Variants in TEX2 observed in about 807,000 individuals in gnomAD.
TEX2 encodes the protein testis-expressed protein 2.
A neutral mutation model predicts 106.9 loss-of-function variants in TEX2; 53 were observed. The observed-to-expected ratio is 0.50, with a 90% CI of 0.40 to 0.62. The LOEUF (loss-of-function observed/expected upper bound fraction) is 0.62, where lower values mean the gene tolerates loss of function less well. Among genes scored for constraint, TEX2 ranks in the 20% least tolerant of loss-of-function variants. The pLI is 0.00. For missense variants in TEX2, 1,207 were observed against 1,379.0 expected (o/e 0.88, Z 1.98); for synonymous variants, 523 against 534.8 (o/e 0.98, Z 0.30).
chr17:64,147,667 C>T lies in TEX2; in HGVS notation c.*1302G>A, dbSNP rs2030112370. 6.6e-6 allele frequency: 1 copy of T among 152,480 alleles called. No homozygotes were observed. The highest frequency in any genetic ancestry group is 1.5e-5 in the Non-Finnish European group (1 of 68,002). 9.4% of individuals were successfully genotyped at this position (152,480 alleles called of 1,614,324 possible). A position where few individuals can be genotyped will look rare whatever the true frequency, so the allele number is the denominator to read the frequency against. On this transcript the variant is annotated 3_prime_UTR_variant, in exon 12 of 12. Coordinates refer to ENST00000584379, the MANE Select transcript of TEX2 (RefSeq NM_001288732.2). The stretch of plus-strand genomic sequence containing the variant: ...ACAACGAAAAATCAGAACAGTACAC[C>T]AACTGGAATGGTCAAACAATTTAAG...
intron 2 of TEX2, among the ~76,000 whole-genome samples, chr17:64,200,119 TAGG>T (rs2143947234): frequency 6.6e-6 from 1 of 152,344 alleles, no homozygotes; most frequent in South Asian, 2.1e-4. Context: ...GTATTCTATG[TAGG>T]AGGCTTTTGA....
At chr17:64,218,662 C>T (rs1456154848) in intron 1 of TEX2, among the ~76,000 whole-genome samples, 1 of 152,082 alleles carries the variant, frequency 6.6e-6, no homozygotes, top group African/African-American at 2.4e-5. Flanking sequence ...TGTGATCCAC[C>T]AATCTTGGCC....
intron 1 of TEX2, among the ~76,000 whole-genome samples, chr17:64,257,363 T>G (rs565689891): frequency 6.6e-6 from 1 of 152,376 alleles, no homozygotes; most frequent in African/African-American, 2.4e-5. Context: ...ACTTAAGTCT[T>G]CTGCAATAAG....
chr17:64,214,135 G>A lies in TEX2; in HGVS notation c.83C>T (p.Ser28Phe). ...PSAPKVHVQR[S>F]VSRDTIAIHF... ...AATGGCGATGGTATCTCGGGACACG[G>A]ACCTCTGCACGTGCACTTTAGGGGC... Residue 28 changes from serine to phenylalanine, a missense_variant, in exon 2 of 12, where the codon TCC (serine) becomes TTC (phenylalanine). Physicochemically the swap from Ser to Phe is radical, Grantham distance 155. This residue lies in a region of TEX2 where 1,067 missense variants were observed against 1,193.6 expected (regional missense o/e 0.89). Coordinates refer to ENST00000584379, the MANE Select transcript of TEX2 (RefSeq NM_001288732.2). The A allele has an allele frequency of 6.2e-7, 1 of 1,614,142 alleles. No homozygotes were observed. The highest frequency in any genetic ancestry group is 1.3e-5 in the African/African-American group (1 of 75,028).
intron 1 of TEX2, among the ~76,000 whole-genome samples, chr17:64,228,341 T>C (rs574975111): frequency 6.6e-6 from 1 of 152,282 alleles, no homozygotes; most frequent in Admixed American, 6.5e-5. Flanking sequence ...GTGCATTTCA[T>C]TTCTATTGTT....
chr17:64,226,653 T>C (rs1284668046), intron 1 of TEX2, among the ~76,000 whole-genome samples: 1 of 152,124 alleles, frequency 6.6e-6, no homozygotes, highest in Admixed American at 6.5e-5. Flanking sequence ...AACTCAACCT[T>C]ACTAAAAATA....
At chr17:64,155,117 A>C in intron 8 of TEX2, 150 bp from the exon 9 acceptor site, 1 of 979,444 alleles carries the variant, frequency 1.0e-6, no homozygotes, top group Non-Finnish European at 1.4e-6. Flanking sequence ...AACCCACCCA[A>C]ACCAGAAGAG....
At chr17:64,170,789 C>T (rs573089567) in intron 7 of TEX2, among the ~76,000 whole-genome samples, 2 of 152,110 alleles carry the variant, frequency 1.3e-5, no homozygotes, top group East Asian at 1.9e-4. Context: ...CCCGCCACCA[C>T]GCCCGACTAA....
At chr17:64,172,634 C>T (rs992408086) in intron 6 of TEX2, among the ~76,000 whole-genome samples, 2 of 152,180 alleles carry the variant, frequency 1.3e-5, no homozygotes, top group African/African-American at 4.8e-5. Flanking sequence ...CTGCCCTGTC[C>T]AAGTTCTCCT....
At position 64,147,526 on chromosome 17, in the gene TEX2, T is replaced by TTGTAC. The variant is rs1438905520; in HGVS notation, c.*1442_*1443insGTACA. The TTGTAC allele has an allele frequency of 1.3e-5, 2 of 152,510 alleles. No homozygotes were observed. The highest frequency in any genetic ancestry group is 4.8e-5 in the African/African-American group (2 of 41,572). 9.4% of individuals were successfully genotyped at this position (152,510 alleles called of 1,614,324 possible). A position where few individuals can be genotyped will look rare whatever the true frequency, so the allele number is the denominator to read the frequency against. The stretch of plus-strand genomic sequence containing the variant: ...TTTGATTAAGTGCAACATGGTACAG[T>TTGTAC]CATGTGTAATCTCTTTACACGATAG... On this transcript the variant is annotated 3_prime_UTR_variant, in exon 12 of 12. Coordinates refer to ENST00000584379, the MANE Select transcript of TEX2 (RefSeq NM_001288732.2).
chr17:64,239,985 T>C (rs1406187176), intron 1 of TEX2, among the ~76,000 whole-genome samples: 1 of 151,044 alleles, frequency 6.6e-6, no homozygotes, highest in Non-Finnish European at 1.5e-5. Context: ...CTTGAATTGT[T>C]AAATAAGGAC....
At chr17:64,230,096 C>A (rs1014864593) in intron 1 of TEX2, among the ~76,000 whole-genome samples, 4 of 151,926 alleles carry the variant, frequency 2.6e-5, no homozygotes, top group Non-Finnish European at 4.4e-5. Flanking sequence ...TTTTTTTAAA[C>A]CAGGTTTAAG....
At chr17:64,208,080 T>C (rs8078899) in intron 2 of TEX2, among the ~76,000 whole-genome samples, 1 of 152,052 alleles carries the variant, frequency 6.6e-6, no homozygotes, top group African/African-American at 2.4e-5. Flanking sequence ...AGGGCAGCAC[T>C]GCGTGAGCAC....
At chr17:64,219,759 T>G (rs2033304809) in intron 1 of TEX2, among the ~76,000 whole-genome samples, 1 of 152,110 alleles carries the variant, frequency 6.6e-6, no homozygotes, top group Admixed American at 6.5e-5. Flanking sequence ...CAAATTGACT[T>G]AAGTCACTAA....
chr17:64,251,353 C>T (rs2034087439), intron 1 of TEX2, among the ~76,000 whole-genome samples: 1 of 152,178 alleles, frequency 6.6e-6, no homozygotes, highest in Admixed American at 6.5e-5. Flanking sequence ...TGTGATTTTC[C>T]TGTAGGCTTT....
At chr17:64,249,266 A>G (rs1598227852) in intron 1 of TEX2, among the ~76,000 whole-genome samples, 1 of 152,164 alleles carries the variant, frequency 6.6e-6, no homozygotes, top group East Asian at 1.9e-4. Flanking sequence ...TAACCAATCG[A>G]CAGTACAGCC....
Position 64,188,162 on chromosome 17 carries a change from C to T in TEX2, c.2424+6G>A. ...GAAAAAGGTCCGGCCCAGCAGCCAG[C>T]TTTACCTTCTTCCCAGCTGTGGGGC... is the stretch of plus-strand genomic sequence containing the variant. On this transcript the variant is annotated splice_donor_region_variant and intron_variant, in intron 5 of 11. Coordinates refer to ENST00000584379, the MANE Select transcript of TEX2 (RefSeq NM_001288732.2). 1 of 1,603,938 alleles carries T rather than the reference C, an allele frequency of 6.2e-7. No homozygotes were observed. The highest frequency in any genetic ancestry group is 1.1e-5 in the South Asian group (1 of 90,954).
chr17:64,223,808 C>A (rs1465736402), intron 1 of TEX2, among the ~76,000 whole-genome samples: 2 of 151,676 alleles, frequency 1.3e-5, no homozygotes, highest in African/African-American at 2.4e-5. Context: ...CTCCAGCTCC[C>A]AGGTTCAAGC....
chr17:64,259,301 G>C (rs751653689), intron 1 of TEX2, among the ~76,000 whole-genome samples: 37 of 152,254 alleles, frequency 2.4e-4, no homozygotes, highest in East Asian at 1.9e-4. Context: ...CTCATTAATG[G>C]TGCTTCATGG....
Sources: gnomAD v4.1 joint callset for allele counts (sites outside exome capture counted in the v4.1 genomes callset) on GRCh38, gnomAD v4.1.1 for gene constraint, gnomAD v4.1.1 regional missense constraint, MANE v1.5 for transcripts, NCBI Gene and HGNC (gene_info 2026-07-23, HGNC 2026-07-21) for gene names.